Variants in GPHN observed in about 807,000 individuals in gnomAD.
GPHN encodes gephyrin.
GPHN carries 17 observed loss-of-function variants against 95.5 expected under a neutral mutation model. The ratio of observed to expected loss-of-function variants is 0.18; its 90% CI spans 0.12 to 0.27. GPHN has a LOEUF of 0.27. Ranked by LOEUF, GPHN falls within the 10% of genes least tolerant of loss-of-function variation. The probability of loss-of-function intolerance (pLI) is 1.00; values close to 1 mark genes in which losing one functional copy is unlikely to be tolerated. For missense variants in GPHN, 660 were observed against 978.1 expected, an observed-to-expected ratio of 0.67 and a Z score of 4.34; for synonymous variants, 320 against 322.5, an observed-to-expected ratio of 0.99 and a Z score of 0.08.
chr14:67,109,742 AT>A (rs887903736), intron 13 of GPHN, among the ~76,000 whole-genome samples: 9 of 151,712 alleles, frequency 5.9e-5, no homozygotes, highest in East Asian at 1.9e-4. Flanking sequence ...AGTTATGAAG[AT>A]TTTTTTTTGT....
At chr14:67,382,628 A>G in the GPHN span, 2 of 1,611,776 alleles carry the variant, frequency 1.2e-6, no homozygotes, top group Non-Finnish European at 8.5e-7. Flanking sequence ...ATGACTCAGG[A>G]GGTTCCTAAA....
intron 8 of GPHN, among the ~76,000 whole-genome samples, chr14:66,953,677 C>T (rs61989633): frequency 6.6e-6 from 1 of 152,118 alleles, no homozygotes; most frequent in African/African-American, 2.4e-5. Flanking sequence ...ATTCCATTAA[C>T]CTATGTTTGC....
At chr14:66,852,002 G>T (rs750568884) in intron 4 of GPHN, among the ~76,000 whole-genome samples, 9 of 152,132 alleles carry the variant, frequency 5.9e-5, no homozygotes, top group Non-Finnish European at 1.3e-4. Context: ...GAGAATAAGG[G>T]TTGCAAAGAC....
rs148093424 is a variant in GPHN at position 66,537,639 on chromosome 14, A to G, written c.64+29048A>G. Among the ~76,000 whole-genome samples, 457 of 152,160 alleles carry G rather than the reference A, an allele frequency of 3.0e-3. 3 individuals carry two copies. The highest frequency in any genetic ancestry group is 0.011 in the African/African-American group (439 of 41,522). ...TTTATCCACATGTGTACCCTTTCTA[A>G]TGCTCATAATTCATTTTTACAGTTC... On this transcript the variant is annotated intron_variant, in intron 1 of 22. Transcript: ENST00000478722.
chr14:67,624,491 T>G, the GPHN span, among the ~76,000 whole-genome samples: 1 of 152,148 alleles, frequency 6.6e-6, no homozygotes, highest in Non-Finnish European at 1.5e-5. Context: ...ATTATAATCA[T>G]GGCGGAAGGT....
chr14:67,700,854 G>A, the GPHN span, among the ~76,000 whole-genome samples: 1 of 151,554 alleles, frequency 6.6e-6, no homozygotes, highest in Non-Finnish European at 1.5e-5. Flanking sequence ...ATGAAACTCT[G>A]TCTCTACTAA....
chr14:67,094,471 T>C (rs1466832537), intron 12 of GPHN, among the ~76,000 whole-genome samples: 2 of 152,184 alleles, frequency 1.3e-5, no homozygotes, highest in African/African-American at 4.8e-5. Context: ...AGCAGATATG[T>C]CAGAATTACA....
chr14:67,005,477 G>A (rs2072536949), intron 9 of GPHN, among the ~76,000 whole-genome samples: 1 of 151,876 alleles, frequency 6.6e-6, no homozygotes, highest in Non-Finnish European at 1.5e-5. Context: ...AAATAGAAAT[G>A]GAGAATATAT....
chr14:67,231,147 T>C, the GPHN span, among the ~76,000 whole-genome samples: 5 of 152,148 alleles, frequency 3.3e-5, no homozygotes, highest in Non-Finnish European at 7.3e-5. Context: ...CAACAACACA[T>C]GGGTGAACCT....
At chr14:66,636,589 A>G (rs1426975826) in intron 1 of GPHN, among the ~76,000 whole-genome samples, 1 of 152,168 alleles carries the variant, frequency 6.6e-6, no homozygotes, top group Non-Finnish European at 1.5e-5. Context: ...TACACAGTTT[A>G]TATCAGTACA....
intron 5 of GPHN, among the ~76,000 whole-genome samples, chr14:66,914,710 A>C (rs1012089468): frequency 1.3e-5 from 2 of 152,104 alleles, no homozygotes; most frequent in Non-Finnish European, 2.9e-5. Flanking sequence ...AGATTTGCTT[A>C]CATGAAAATA....
chr14:67,262,832 A>G, the GPHN span, among the ~76,000 whole-genome samples: 1 of 152,142 alleles, frequency 6.6e-6, no homozygotes, highest in African/African-American at 2.4e-5. Flanking sequence ...CAACTAGGCC[A>G]TATATATTCT....
the GPHN span, chr14:67,574,037 A>T: frequency 1.4e-6 from 1 of 707,050 alleles, no homozygotes; most frequent in Non-Finnish European, 2.4e-6. The surrounding 1 kb of genome is among the most constrained non-coding windows in gnomAD (Gnocchi z 4.2). Flanking sequence ...GAGTACAAGA[A>T]AGGAAGATGA....
In GPHN at chr14:66,922,842, A is replaced by G. The variant is rs151322023; in HGVS notation, c.633A>G (p.Gln211=). ...AACAGACAGAAGACAAAGGAGTTCA[A>G]TGTGAGGAAGAGGAAGAAGAGAAGA... is the stretch of plus-strand genomic sequence containing the variant. ...PHKQTEDKGV[Q]CEEEEEEKKD... The change falls in exon 7 of 23, where the codon CAA becomes CAG. Residue 211 remains glutamine, a synonymous_variant. Coordinates refer to ENST00000478722, the MANE Select transcript of GPHN (RefSeq NM_020806.5). 2.5e-4 allele frequency: 396 copies of G among 1,613,606 alleles called. 3 individuals carry two copies. The highest frequency in any genetic ancestry group is 1.1e-3 in the South Asian group (101 of 91,052).
chr14:66,765,304 C>G (rs1278691961), intron 2 of GPHN, among the ~76,000 whole-genome samples: 1 of 152,150 alleles, frequency 6.6e-6, no homozygotes, highest in African/African-American at 2.4e-5. Flanking sequence ...CCCAGCAATT[C>G]CATTATTGGA....
intron 1 of GPHN, chr14:66,509,014 C>A (rs1422952207): frequency 4.1e-6 from 1 of 244,084 alleles, no homozygotes; most frequent in Non-Finnish European, 8.1e-6. Flanking sequence ...CCATCTCCAC[C>A]CCCTTCCTCT....
chr14:67,077,413 CAT>C (rs1424392719), intron 11 of GPHN, among the ~76,000 whole-genome samples: 3 of 152,268 alleles, frequency 2.0e-5, no homozygotes, highest in Admixed American at 6.5e-5. Flanking sequence ...TGACTTGCCA[CAT>C]GTTTTCAACT....
At chr14:66,838,616 TATAA>T (rs2061955526) in intron 4 of GPHN, among the ~76,000 whole-genome samples, 2 of 152,092 alleles carry the variant, frequency 1.3e-5, no homozygotes, top group African/African-American at 4.8e-5. Context: ...AACAACAAAA[TATAA>T]ATAAATATTT....
chr14:66,546,111 G>A (rs1174545557), intron 1 of GPHN, among the ~76,000 whole-genome samples: 4 of 151,014 alleles, frequency 2.6e-5, no homozygotes, highest in Non-Finnish European at 4.4e-5. Flanking sequence ...GGGCAGAGGC[G>A]CTCCCCACAT....
Sources: allele counts gnomAD v4.1 joint callset (sites outside exome capture counted in the v4.1 genomes callset), GRCh38; gene constraint gnomAD v4.1.1; non-coding constraint Gnocchi (gnomAD v3.1); transcripts MANE v1.5; gene names NCBI Gene and HGNC (gene_info 2026-07-23, HGNC 2026-07-21).